The following UGT1A8 variants were observed in gnomAD, a reference collection of about 807,000 sequenced individuals.
The protein encoded by UGT1A8 is UDP-glucuronosyltransferase 1A8.
A neutral mutation model predicts 45.3 loss-of-function variants in UGT1A8; 39 were observed. The ratio of observed to expected loss-of-function variants is 0.86; its 90% CI spans 0.67 to 1.12. The LOEUF is 1.12. UGT1A8 is among the 50% of genes most tolerant of loss of function. UGT1A8 has a pLI of 0.00. For synonymous variants in UGT1A8, 275 were observed against 249.2 expected (o/e 1.10, Z -0.97); for missense variants, 719 against 664.9 (o/e 1.08, Z -0.90).
chr2:233,747,156 A>G, intron 1 of UGT1A8: 1 of 1,580,812 alleles, frequency 6.3e-7, no homozygotes, highest in South Asian at 1.1e-5. Flanking sequence ...GATGAAGAAA[A>G]CAAATGTAGG....
intron 1 of UGT1A8, among the ~76,000 whole-genome samples, chr2:233,633,015 T>C (rs2125455846): frequency 6.6e-6 from 1 of 152,328 alleles, no homozygotes; most frequent in Admixed American, 6.5e-5. Context: ...CATCAATAAC[T>C]AGTTCATCAA....
At chr2:233,650,656 C>T (rs1191493170) in intron 1 of UGT1A8, among the ~76,000 whole-genome samples, 1 of 152,148 alleles carries the variant, frequency 6.6e-6, no homozygotes, top group Non-Finnish European at 1.5e-5. Flanking sequence ...CACCATTCTT[C>T]CACTCATATC....
At chr2:233,676,820 G>T (rs2074372635) in intron 1 of UGT1A8, among the ~76,000 whole-genome samples, 1 of 152,138 alleles carries the variant, frequency 6.6e-6, no homozygotes, top group African/African-American at 2.4e-5. Flanking sequence ...ATATTCAACT[G>T]TAGAAAAACA....
At chr2:233,729,636 G>T (rs755096883) in intron 1 of UGT1A8, 3 of 1,613,468 alleles carry the variant, frequency 1.9e-6, no homozygotes, top group East Asian at 4.5e-5. Flanking sequence ...TTCCTACTGT[G>T]TTTTTTTTGA....
intron 1 of UGT1A8, among the ~76,000 whole-genome samples, chr2:233,710,804 T>A (rs1263118974): frequency 6.6e-6 from 1 of 152,240 alleles, no homozygotes; most frequent in Non-Finnish European, 1.5e-5. Context: ...GTACCCCTCG[T>A]GCCCTATCTA....
In UGT1A8 at chr2:233,760,982, C is replaced by A. The variant is rs147640261; in HGVS notation, c.856-6052C>A. Reference sequence around the variant, plus strand: ...GACGTGGTTTATTCCCCGTATGCAACCCTTGCCTCAGAATTCCTTCAGAGA... The same window carrying A: ...GACGTGGTTTATTCCCCGTATGCAAACCTTGCCTCAGAATTCCTTCAGAGA... On this transcript the variant is annotated intron_variant, in intron 1 of 4. Transcript: ENST00000373450. The A allele has an allele frequency of 1.9e-6, 3 of 1,614,220 alleles. No individual in the cohort carries two copies. The highest frequency in any genetic ancestry group is 2.7e-5 in the African/African-American group (2 of 75,052).
intron 1 of UGT1A8, chr2:233,713,632 T>G: frequency 3.1e-6 from 5 of 1,613,964 alleles, no homozygotes; most frequent in Non-Finnish European, 3.4e-6. Flanking sequence ...GTCAAGAACA[T>G]GCTCTACCCT....
chr2:233,694,688 C>T (rs1334896868), intron 1 of UGT1A8, among the ~76,000 whole-genome samples: 1 of 152,190 alleles, frequency 6.6e-6, no homozygotes, highest in East Asian at 1.9e-4. Flanking sequence ...GTCCCAAAGA[C>T]CCTTACCTCT....
At chr2:233,759,367 G>A (rs1697118309) in intron 1 of UGT1A8, among the ~76,000 whole-genome samples, 1 of 152,146 alleles carries the variant, frequency 6.6e-6, no homozygotes, top group Admixed American at 6.5e-5. Flanking sequence ...CTATAAAAAG[G>A]TACAGGTTTT....
chr2:233,635,346 C>A (rs939567240), intron 1 of UGT1A8, among the ~76,000 whole-genome samples: 1 of 150,706 alleles, frequency 6.6e-6, no homozygotes. Flanking sequence ...GAATGTTGGC[C>A]TGTCTTGCTA....
At chr2:233,661,042 T>C (rs2073952396) in intron 1 of UGT1A8, among the ~76,000 whole-genome samples, 1 of 152,194 alleles carries the variant, frequency 6.6e-6, no homozygotes, top group Non-Finnish European at 1.5e-5. Context: ...GGTATGCCTT[T>C]CTTATAACCA....
chr2:233,644,872 C>G (rs1453135665), intron 1 of UGT1A8, among the ~76,000 whole-genome samples: 2 of 151,978 alleles, frequency 1.3e-5, no homozygotes, highest in Non-Finnish European at 2.9e-5. Flanking sequence ...GGTGGTTTTT[C>G]CTGTGTAGAT....
intron 1 of UGT1A8, chr2:233,713,679 C>T (rs756343791): frequency 6.2e-7 from 1 of 1,613,972 alleles, no homozygotes; most frequent in Non-Finnish European, 8.5e-7. Flanking sequence ...TGTTTCTGCT[C>T]CTTATGCAAG....
At chr2:233,739,657 C>A (rs772609637) in intron 1 of UGT1A8, among the ~76,000 whole-genome samples, 1 of 152,202 alleles carries the variant, frequency 6.6e-6, no homozygotes, top group Admixed American at 6.5e-5. Context: ...TTCTGTACCC[C>A]CATTGTGTCT....
At chr2:233,736,391 T>G (rs923297750) in intron 1 of UGT1A8, among the ~76,000 whole-genome samples, 3 of 152,222 alleles carry the variant, frequency 2.0e-5, no homozygotes, top group African/African-American at 7.2e-5. Flanking sequence ...CTACAGTGTT[T>G]ATTCTAGTTA....
chr2:233,761,456 C>A (rs938437013), intron 1 of UGT1A8, among the ~76,000 whole-genome samples: 1 of 152,214 alleles, frequency 6.6e-6, no homozygotes, highest in African/African-American at 2.4e-5. Context: ...GGGTTTGGGG[C>A]ACCCTGCAGA....
At chr2:233,624,466 T>A (rs534299125) in intron 1 of UGT1A8, among the ~76,000 whole-genome samples, 1 of 152,252 alleles carries the variant, frequency 6.6e-6, no homozygotes, top group South Asian at 2.1e-4. Flanking sequence ...TATTCAACTG[T>A]AGAAAAGAGT....
intron 1 of UGT1A8, among the ~76,000 whole-genome samples, chr2:233,736,837 T>TC (rs1251253473): frequency 1.3e-5 from 2 of 152,214 alleles, no homozygotes. Flanking sequence ...TGCTTTGGTA[T>TC]CACCAGTGGA....
At chr2:233,687,583 T>TAAAAAAAAAAAAAAAAAAAA in intron 1 of UGT1A8, among the ~76,000 whole-genome samples, 1 of 107,472 alleles carries the variant, frequency 9.3e-6, no homozygotes, top group Non-Finnish European at 1.9e-5. Context: ...ACATTCTTTG[T>TAAAAAAAAAAAAAAAAAAAA]AAAAAAAAAA....
Sources: allele counts gnomAD v4.1 joint callset (sites outside exome capture counted in the v4.1 genomes callset), GRCh38; gene constraint gnomAD v4.1.1; transcripts MANE v1.5; gene names NCBI Gene and HGNC (gene_info 2026-07-23, HGNC 2026-07-21).